The following NPAS3 variants were observed in gnomAD, a reference collection of about 807,000 sequenced individuals.
The protein encoded by NPAS3 is neuronal PAS domain protein 3, also known as neuronal PAS domain-containing protein 3.
Under a neutral mutation model 73.1 loss-of-function variants are expected in NPAS3, and 14 were observed. The ratio of observed to expected loss-of-function variants is 0.19; its 90% CI spans 0.13 to 0.30. The LOEUF (loss-of-function observed/expected upper bound fraction) is 0.30, where lower values mean the gene tolerates loss of function less well. NPAS3 is among the 10% of genes least tolerant of loss of function. The pLI, the probability that NPAS3 is intolerant of heterozygous loss-of-function variation, is 1.00. For missense variants in NPAS3, 1,096 were observed against 1,250.0 expected (o/e 0.88, Z 1.86); for synonymous variants, 620 against 541.5 (o/e 1.14, Z -2.01).
At chr14:33,437,594 T>C (rs2049043805) in intron 4 of NPAS3, among the ~76,000 whole-genome samples, 2 of 150,664 alleles carry the variant, frequency 1.3e-5, no homozygotes, top group Admixed American at 1.3e-4. Flanking sequence ...CTGGAATAAA[T>C]AGCCCTTCCT....
intron 4 of NPAS3, among the ~76,000 whole-genome samples, chr14:33,396,442 C>A (rs1566864981): frequency 6.6e-6 from 1 of 152,132 alleles, no homozygotes; most frequent in Non-Finnish European, 1.5e-5. Context: ...TCTATTGGCT[C>A]CTCAATCCAT....
At chr14:33,193,268 T>C (rs1164323831) in intron 2 of NPAS3, among the ~76,000 whole-genome samples, 1 of 151,920 alleles carries the variant, frequency 6.6e-6, no homozygotes, top group Non-Finnish European at 1.5e-5. Context: ...AGATGCAATA[T>C]ATGCCCAGGC....
At chr14:33,347,144 G>A (rs931382173) in intron 3 of NPAS3, among the ~76,000 whole-genome samples, 6 of 152,144 alleles carry the variant, frequency 3.9e-5, no homozygotes, top group African/African-American at 7.2e-5. Flanking sequence ...AAAGCAAACT[G>A]GTGGCATCAA....
chr14:33,037,649 G>A (rs903700316), intron 1 of NPAS3, among the ~76,000 whole-genome samples: 5 of 152,068 alleles, frequency 3.3e-5, no homozygotes, highest in Non-Finnish European at 7.4e-5. Flanking sequence ...CTGGGCAACG[G>A]AGGCAGACCC....
intron 3 of NPAS3, among the ~76,000 whole-genome samples, chr14:33,264,494 A>T (rs1194883057): frequency 6.6e-6 from 1 of 152,132 alleles, no homozygotes; most frequent in Non-Finnish European, 1.5e-5. Context: ...ATAAACCCAA[A>T]TGCTTCCATT....
chr14:33,563,223 G>A (rs888647905), intron 5 of NPAS3, among the ~76,000 whole-genome samples: 5 of 151,976 alleles, frequency 3.3e-5, no homozygotes, highest in African/African-American at 9.7e-5. Flanking sequence ...AAATGTGGTG[G>A]CTTTAAAACA....
chr14:33,485,397 A>G (rs1469307069), intron 4 of NPAS3, among the ~76,000 whole-genome samples: 1 of 152,120 alleles, frequency 6.6e-6, no homozygotes, highest in Admixed American at 6.6e-5. Flanking sequence ...TATGCTCCAC[A>G]CTTGAGTAAT....
At chr14:33,111,297 A>G (rs560487920) in intron 2 of NPAS3, among the ~76,000 whole-genome samples, 3 of 152,356 alleles carry the variant, frequency 2.0e-5, no homozygotes, top group South Asian at 2.1e-4. Flanking sequence ...GCAGTTGGCC[A>G]AGTCTCAGCC....
At chr14:33,689,580 A>G (rs1277458222) in intron 6 of NPAS3, among the ~76,000 whole-genome samples, 1 of 152,194 alleles carries the variant, frequency 6.6e-6, no homozygotes, top group African/African-American at 2.4e-5. Flanking sequence ...AGTACCCAAA[A>G]GATATGCTTC....
At chr14:33,778,830 C>T (rs1293585085) in intron 9 of NPAS3, among the ~76,000 whole-genome samples, 1 of 152,202 alleles carries the variant, frequency 6.6e-6, no homozygotes, top group Non-Finnish European at 1.5e-5. Flanking sequence ...TGCTGTCTCT[C>T]CTATAAAGTG....
Position 33,800,191 on chromosome 14 carries a change from G to C in NPAS3, c.1884G>C (p.Ala628=). 2 of 1,611,698 alleles carry C rather than the reference G, an allele frequency of 1.2e-6. No individual in the cohort carries two copies. Among genetic ancestry groups the C allele is most frequent in the South Asian group, 2.2e-5 (2 of 91,000 alleles). ...CGTCGAGCCCAGGCGGCCTGGACGC[G>C]GGCCTGGTGGAGCCCCCGCGGCTGC... The change falls in exon 12 of 12, where the codon GCG becomes GCC. Residue 628 remains alanine, a synonymous_variant. Coordinates refer to ENST00000356141, the Ensembl canonical transcript of NPAS3. This position sits in a 1 kb window ranked among gnomAD's most constrained non-coding sequence, Gnocchi z 6.5.
intron 4 of NPAS3, among the ~76,000 whole-genome samples, chr14:33,541,096 G>GGTGTGTGTGTGTGT (rs140503260): frequency 1.4e-5 from 2 of 142,778 alleles, no homozygotes; most frequent in Non-Finnish European, 3.0e-5. Context: ...TATGTTTAGA[G>GGTGTGTGTGTGTGT]GTGTGTGTGT....
In NPAS3 at chr14:33,649,936, T is replaced by C. The variant is rs117755971; in HGVS notation, c.559-26275T>C. Among the ~76,000 whole-genome samples, 503 of 152,270 alleles carry C rather than the reference T, an allele frequency of 3.3e-3. 1 individual carries two copies. Among genetic ancestry groups the C allele is most frequent in the Non-Finnish European group, 6.0e-3 (406 of 68,026 alleles). ...CCAGGGAAGAGGTCTTTAAAGAATA[T>C]ATTTTCTGGCAAAGGTCAAGCCACC... is the stretch of plus-strand genomic sequence containing the variant. On this transcript the variant is annotated intron_variant, in intron 5 of 11. Coordinates refer to ENST00000356141, the Ensembl canonical transcript of NPAS3.
chr14:33,705,270 C>T (rs1055233061), intron 6 of NPAS3, among the ~76,000 whole-genome samples: 12 of 152,168 alleles, frequency 7.9e-5, no homozygotes, highest in Non-Finnish European at 1.3e-4. Flanking sequence ...GCTTTGTCTT[C>T]CTAGGGCAGT....
At chr14:33,322,781 C>T (rs17100644) in intron 3 of NPAS3, among the ~76,000 whole-genome samples, 2,629 of 152,124 alleles carry the variant, frequency 0.017, 52 homozygotes, top group African/African-American at 0.052. Flanking sequence ...ACTTGGTAAT[C>T]GTGAAATTTC....
At chr14:33,768,061 A>G (rs1195853185) in intron 7 of NPAS3, among the ~76,000 whole-genome samples, 1 of 152,206 alleles carries the variant, frequency 6.6e-6, no homozygotes, top group Non-Finnish European at 1.5e-5. Flanking sequence ...AGAGAAGAAA[A>G]ATAAAAGTCA....
At position 33,384,878 on chromosome 14, in the gene NPAS3, A is replaced by T. The variant is rs544290555; in HGVS notation, c.468+17610A>T. Among the ~76,000 whole-genome samples, 16 of 152,290 alleles carry T rather than the reference A, an allele frequency of 1.1e-4. No homozygotes were observed. The South Asian group carries it at 3.3e-3, about 32-fold the overall frequency. On this transcript the variant is annotated intron_variant, in intron 4 of 11. Coordinates refer to ENST00000356141, the Ensembl canonical transcript of NPAS3. ...GATGAAGTTTGTATCAGTCAAACAA[A>T]CTTCATTTTCTCCCAGTTCTTTACC...
At chr14:33,670,050 G>C (rs2059568242) in intron 5 of NPAS3, among the ~76,000 whole-genome samples, 1 of 152,152 alleles carries the variant, frequency 6.6e-6, no homozygotes, top group South Asian at 2.1e-4. Flanking sequence ...CATATGCAGT[G>C]TCTCTTTGGG....
At chr14:33,746,252 G>A (rs974553494) in intron 7 of NPAS3, among the ~76,000 whole-genome samples, 5 of 150,930 alleles carry the variant, frequency 3.3e-5, no homozygotes, top group Non-Finnish European at 5.9e-5. Context: ...GCAGTGGCAC[G>A]ATCTCAGCTC....
Sources: allele counts gnomAD v4.1 joint callset (sites outside exome capture counted in the v4.1 genomes callset), GRCh38; gene constraint gnomAD v4.1.1; non-coding constraint Gnocchi (gnomAD v3.1); transcripts MANE v1.5; gene names NCBI Gene and HGNC (gene_info 2026-07-23, HGNC 2026-07-21).